TUSC3: variants seen among roughly 807,000 people sequenced by gnomAD.
The protein encoded by TUSC3 is dolichyl-diphosphooligosaccharide--protein glycosyltransferase subunit TUSC3.
A neutral mutation model predicts 44.8 loss-of-function variants in TUSC3; 45 were observed. The ratio of observed to expected loss-of-function variants is 1.00; its 90% CI spans 0.79 to 1.29. TUSC3 has a LOEUF of 1.29. TUSC3 is among the 50% of genes most tolerant of loss of function. TUSC3 has a pLI of 0.00. For synonymous variants in TUSC3, 212 were observed against 152.9 expected, an observed-to-expected ratio of 1.39 and a Z score of -2.85; for missense variants, 519 against 437.9, an observed-to-expected ratio of 1.19 and a Z score of -1.65.
At chr8:15,560,420 T>G (rs1337576694) in intron 1 of TUSC3, among the ~76,000 whole-genome samples, 10 of 146,952 alleles carry the variant, frequency 6.8e-5, no homozygotes, top group South Asian at 4.4e-4. Context: ...GACCTTTCTC[T>G]CTGGCTGCCC....
chr8:15,429,735 G>A (rs1799849589), intron 1 of TUSC3, among the ~76,000 whole-genome samples: 3 of 151,304 alleles, frequency 2.0e-5, no homozygotes, highest in Non-Finnish European at 4.4e-5. Flanking sequence ...CTCTTTGAAG[G>A]AATTGTGAAT....
intron 1 of TUSC3, among the ~76,000 whole-genome samples, chr8:15,577,897 C>G (rs1040136375): frequency 1.1e-4 from 17 of 150,770 alleles, no homozygotes; most frequent in African/African-American, 3.4e-4. Flanking sequence ...CTGTAAATTA[C>G]CTTGGGCAGT....
intron 1 of TUSC3, among the ~76,000 whole-genome samples, chr8:15,583,390 G>C (rs1001304327): frequency 6.6e-6 from 1 of 152,148 alleles, no homozygotes; most frequent in Non-Finnish European, 1.5e-5. Flanking sequence ...GAAGATTGAC[G>C]GTGATGGTAA....
At chr8:15,791,144 C>G in the TUSC3 span, among the ~76,000 whole-genome samples, 1 of 151,996 alleles carries the variant, frequency 6.6e-6, no homozygotes, top group African/African-American at 2.4e-5. Flanking sequence ...TAGTTTATGG[C>G]TGAATTACCT....
At position 15,418,497 on chromosome 8, in the gene TUSC3, G is replaced by A. The variant is rs577870426; in HGVS notation, n.91+1192G>A. Among the ~76,000 whole-genome samples the A allele has an allele frequency of 7.8e-4, 119 of 152,202 alleles. No homozygotes were observed. The South Asian group carries it at 8.5e-3, about 11-fold the overall frequency. ...ACAAAACTGTCATTAATCCCACAGGGCTGTCAAGAAAAACTATTAATAGCT... is the reference window on the plus strand; with the variant it reads ...ACAAAACTGTCATTAATCCCACAGGACTGTCAAGAAAAACTATTAATAGCT... On this transcript the variant is annotated intron_variant and non_coding_transcript_variant, in intron 1 of 5. Coordinates refer to the TUSC3 transcript ENST00000503191.
chr8:15,420,638 C>G (rs1563246369), intron 1 of TUSC3, among the ~76,000 whole-genome samples: 1 of 152,008 alleles, frequency 6.6e-6, no homozygotes, highest in Non-Finnish European at 1.5e-5. Flanking sequence ...TCCTCTTTAC[C>G]TGAATTCCTC....
In TUSC3 at chr8:15,706,765, G is replaced by A. The variant is rs568582958; in HGVS notation, c.799-23901G>A. On this transcript the variant is annotated intron_variant, in intron 6 of 10. Coordinates refer to ENST00000503731, the MANE Select transcript of TUSC3 (RefSeq NM_006765.4). ...CTCTTGATTGTGCAAATATGATCAC[G>A]AGCATTTTCTAAGCACTCTTCCATT... is the stretch of plus-strand genomic sequence containing the variant. Among the ~76,000 whole-genome samples, 6 of 151,884 alleles carry A rather than the reference G, an allele frequency of 4.0e-5. No individual in the cohort carries two copies. The East Asian group carries it at 5.8e-4, about 15-fold the overall frequency.
chr8:15,724,800 A>G (rs1291018944), intron 6 of TUSC3, among the ~76,000 whole-genome samples: 3 of 152,196 alleles, frequency 2.0e-5, no homozygotes, highest in Non-Finnish European at 4.4e-5. Flanking sequence ...AAAAGTTTGC[A>G]TGTCATTTCA....
At chr8:15,812,033 C>G in the TUSC3 span, among the ~76,000 whole-genome samples, 3 of 152,142 alleles carry the variant, frequency 2.0e-5, no homozygotes, top group African/African-American at 7.2e-5. Context: ...CTTTTATTCT[C>G]CAAAGAAATA....
chr8:15,703,391 G>A (rs1369304897), intron 6 of TUSC3, among the ~76,000 whole-genome samples: 3 of 151,956 alleles, frequency 2.0e-5, no homozygotes, highest in Admixed American at 1.3e-4. Flanking sequence ...TGTACTTTGG[G>A]TTGCAGTTGA....
chr8:15,660,925 A>C (rs1012460863), intron 4 of TUSC3, among the ~76,000 whole-genome samples: 3 of 150,208 alleles, frequency 2.0e-5, no homozygotes, highest in Admixed American at 2.0e-4. Flanking sequence ...AAAAAAACCC[A>C]TAAAACTATA....
chr8:15,519,624 T>A (rs1801267458), intron 2 of TUSC3, among the ~76,000 whole-genome samples: 2 of 152,166 alleles, frequency 1.3e-5, no homozygotes, highest in Admixed American at 1.3e-4. Context: ...GAGAATCTAA[T>A]GCCTGATGAT....
the TUSC3 span, among the ~76,000 whole-genome samples, chr8:15,794,965 C>G: frequency 6.6e-6 from 1 of 152,168 alleles, no homozygotes; most frequent in African/African-American, 2.4e-5. Flanking sequence ...ACATCTGCCC[C>G]TTGCTTCTCT....
chr8:15,694,049 C>A (rs1369692477), intron 6 of TUSC3, among the ~76,000 whole-genome samples: 3 of 151,926 alleles, frequency 2.0e-5, no homozygotes, highest in Non-Finnish European at 4.4e-5. Context: ...TTATTGTATT[C>A]CTTAGAATCC....
At chr8:15,472,455 G>C (rs943262326) in intron 1 of TUSC3, among the ~76,000 whole-genome samples, 2 of 152,114 alleles carry the variant, frequency 1.3e-5, no homozygotes, top group African/African-American at 4.8e-5. Flanking sequence ...ACTTTTGAAG[G>C]TCTGAGTTTT....
chr8:15,648,426 C>A (rs1563152804), intron 2 of TUSC3, among the ~76,000 whole-genome samples: 2 of 152,128 alleles, frequency 1.3e-5, no homozygotes, highest in East Asian at 1.9e-4. Flanking sequence ...CAGTGACAAG[C>A]CTTAAAGAAT....
chr8:15,542,725 T>C (rs969769120), intron 1 of TUSC3, among the ~76,000 whole-genome samples: 2 of 152,230 alleles, frequency 1.3e-5, no homozygotes, highest in African/African-American at 4.8e-5. Flanking sequence ...AAATATATTT[T>C]TGAAATGAAA....
intron 6 of TUSC3, among the ~76,000 whole-genome samples, chr8:15,674,862 A>G (rs1400711762): frequency 3.9e-5 from 6 of 152,202 alleles, no homozygotes; most frequent in African/African-American, 9.6e-5. Flanking sequence ...ATACAAAGAA[A>G]AATAATTGGA....
At chr8:15,754,664 C>A (rs985286543) in intron 9 of TUSC3, among the ~76,000 whole-genome samples, 2 of 151,982 alleles carry the variant, frequency 1.3e-5, no homozygotes, top group African/African-American at 4.8e-5. Context: ...GTTATGCCTC[C>A]GCCTTTTAGC....
Sources: gnomAD v4.1 joint callset for allele counts (sites outside exome capture counted in the v4.1 genomes callset) on GRCh38, gnomAD v4.1.1 for gene constraint, MANE v1.5 for transcripts, NCBI Gene and HGNC (gene_info 2026-07-23, HGNC 2026-07-21) for gene names.